ESF1: variants seen among roughly 807,000 people sequenced by gnomAD.
The protein encoded by ESF1 is ESF1 homolog.
Under a neutral mutation model 92.0 loss-of-function variants are expected in ESF1, and 58 were observed. The ratio of observed to expected loss-of-function variants is 0.63; its 90% CI spans 0.51 to 0.78. The LOEUF is 0.78. Among genes scored for constraint, ESF1 ranks in the 30% least tolerant of loss-of-function variants. The pLI is 0.00. For synonymous variants in ESF1, 321 were observed against 313.7 expected, an observed-to-expected ratio of 1.02 and a Z score of -0.24; for missense variants, 922 against 989.1, an observed-to-expected ratio of 0.93 and a Z score of 0.91.
At chr20:13,737,281 A>C (rs1208453784) in intron 9 of ESF1, among the ~76,000 whole-genome samples, 1 of 152,268 alleles carries the variant, frequency 6.6e-6, no homozygotes, top group African/African-American at 2.4e-5. Flanking sequence ...AGATGACTCA[A>C]TTATGACAAT....
chr20:13,762,854 G>GTTTTTTTT lies in ESF1; in HGVS notation c.1667-3009_1667-3002dup, dbSNP rs33986564. 121 of 186,834 alleles carry GTTTTTTTT rather than the reference G, an allele frequency of 6.5e-4. 1 individual carries two copies. The highest frequency in any genetic ancestry group is 9.7e-4 in the South Asian group (22 of 22,620). The allele number at this position is 186,834 out of a possible 1,614,324, so 11.6% of individuals were successfully genotyped here. On this transcript the variant is annotated intron_variant, in intron 8 of 13. Transcript: ENST00000617257. Reference sequence around the variant, plus strand: ...AAACAAAAAGTCATTATTTATTAAAGTTTTTTTTTTTTTTTTTTTTTTTTG... The same window carrying GTTTTTTTT: ...AAACAAAAAGTCATTATTTATTAAAGTTTTTTTTTTTTTTTTTTTTTTTTTTTTTTTTG...
intron 13 of ESF1, among the ~76,000 whole-genome samples, chr20:13,716,907 T>C (rs2049832274): frequency 7.0e-6 from 1 of 142,286 alleles, no homozygotes; most frequent in Non-Finnish European, 1.5e-5. Flanking sequence ...AAGCTCCGCC[T>C]CCTGGGTTCA....
intron 9 of ESF1, among the ~76,000 whole-genome samples, chr20:13,735,555 G>A (rs112805161): frequency 3.3e-5 from 5 of 152,162 alleles, no homozygotes; most frequent in African/African-American, 1.2e-4. Flanking sequence ...AGAGAAAGCA[G>A]CAAATTCTGA....
chr20:13,725,367 A>C (rs887167212), intron 11 of ESF1, among the ~76,000 whole-genome samples: 1 of 152,132 alleles, frequency 6.6e-6, no homozygotes, highest in African/African-American at 2.4e-5. Flanking sequence ...CTAAAAGCTC[A>C]TATCTTTAAA....
At chr20:13,780,619 A>G (rs1980138408) in intron 2 of ESF1, among the ~76,000 whole-genome samples, 1 of 130,922 alleles carries the variant, frequency 7.6e-6, no homozygotes, top group African/African-American at 2.8e-5. Flanking sequence ...TGGCCTATCA[A>G]AACCTCTTGG....
chr20:13,716,260 T>C (rs1210686990), intron 13 of ESF1, among the ~76,000 whole-genome samples: 1 of 151,598 alleles, frequency 6.6e-6, no homozygotes, highest in African/African-American at 2.4e-5. Context: ...CTCAAACTCA[T>C]GCTTAGGGGA....
At chr20:13,737,692 C>T (rs1023018819) in intron 9 of ESF1, among the ~76,000 whole-genome samples, 1 of 152,022 alleles carries the variant, frequency 6.6e-6, no homozygotes, top group African/African-American at 2.4e-5. Context: ...CTTGCTCTGT[C>T]ACCCAGGCTG....
At chr20:13,753,084 G>A (rs6042348) in intron 9 of ESF1, among the ~76,000 whole-genome samples, 23,217 of 151,998 alleles carry the variant, frequency 0.15, 2,237 homozygotes, top group East Asian at 0.42. Flanking sequence ...AAAGCTTTAA[G>A]ACGATCAAAA....
intron 8 of ESF1, among the ~76,000 whole-genome samples, chr20:13,760,406 C>A (rs1317002775): frequency 1.3e-5 from 2 of 151,466 alleles, no homozygotes; most frequent in African/African-American, 4.9e-5. Context: ...TCTGCCCTGC[C>A]GCCCCGTCTG....
intron 8 of ESF1, among the ~76,000 whole-genome samples, chr20:13,760,736 C>G (rs1423171800): frequency 6.6e-6 from 1 of 151,352 alleles, no homozygotes; most frequent in Non-Finnish European, 1.5e-5. Context: ...ACCGGCCAGC[C>G]GCCCCGTCCG....
At chr20:13,720,802 C>T (rs976587165) in intron 11 of ESF1, among the ~76,000 whole-genome samples, 3 of 152,310 alleles carry the variant, frequency 2.0e-5, no homozygotes, top group Non-Finnish European at 4.4e-5. Context: ...CTCAATTTTT[C>T]TCAATGTATA....
At chr20:13,730,277 T>C (rs1219530643) in intron 10 of ESF1, among the ~76,000 whole-genome samples, 1 of 152,008 alleles carries the variant, frequency 6.6e-6, no homozygotes, top group Non-Finnish European at 1.5e-5. Context: ...TTTCACCATG[T>C]TGGGCAGGCT....
In ESF1 at chr20:13,758,561, C is replaced by G. The variant is rs923061414; in HGVS notation, c.1828+1131G>C. 2.0e-5 allele frequency among the ~76,000 whole-genome samples: 3 copies of G among 152,290 alleles called. No individual in the cohort carries two copies. In the South Asian group the frequency reaches 6.2e-4, roughly 32 times the overall value. On this transcript the variant is annotated intron_variant, in intron 9 of 13. Transcript: ENST00000617257. ...TATTTTTTTCCCAAATAAAAACCCA[C>G]GCAAACATATGTTTTATTCCCAATA...
In ESF1 at chr20:13,717,419, C is replaced by T. The variant is rs1295926166; in HGVS notation, c.2211G>A (p.Lys737=). ...TCTTTTTCATGAGCTGCTTTTTCTTCTTTTTGCTCAGATTCTGGTGCTCCA... is the reference window on the plus strand; with the variant it reads ...TCTTTTTCATGAGCTGCTTTTTCTTTTTTTTGCTCAGATTCTGGTGCTCCA... ...KIVEHQNLSK[K]KKKQLMKKKE... The change falls in exon 13 of 14, where the codon AAG becomes AAA. Residue 737 remains lysine (K), a synonymous_variant. Coordinates refer to ENST00000617257, the MANE Select transcript of ESF1 (RefSeq NM_001276380.2). The T allele has an allele frequency of 6.2e-7, 1 of 1,614,050 alleles. No homozygotes were observed. The highest frequency in any genetic ancestry group is 8.5e-7 in the Non-Finnish European group (1 of 1,180,000).
intron 7 of ESF1, among the ~76,000 whole-genome samples, chr20:13,767,291 C>G (rs1046647130): frequency 6.6e-6 from 1 of 152,142 alleles, no homozygotes; most frequent in African/African-American, 2.4e-5. Flanking sequence ...CTTTGGGAGG[C>G]CAAGGCGGGT....
chr20:13,723,723 G>A (rs970836134), intron 11 of ESF1, among the ~76,000 whole-genome samples: 3 of 152,106 alleles, frequency 2.0e-5, no homozygotes, highest in African/African-American at 7.2e-5. Flanking sequence ...GAGCAAAAAT[G>A]TTATAAATGT....
chr20:13,777,914 T>C (rs2147448695), intron 2 of ESF1, among the ~76,000 whole-genome samples: 1 of 152,342 alleles, frequency 6.6e-6, no homozygotes, highest in Middle Eastern at 3.4e-3. Flanking sequence ...CTTATAATAG[T>C]TATTCACTGA....
intron 10 of ESF1, among the ~76,000 whole-genome samples, chr20:13,732,990 G>A (rs1192865104): frequency 2.6e-5 from 4 of 151,898 alleles, no homozygotes; most frequent in African/African-American, 4.8e-5. Flanking sequence ...GCAGTGGCAC[G>A]ATCTTGACTC....
At chr20:13,715,761 T>G (rs1167164238) in intron 13 of ESF1, among the ~76,000 whole-genome samples, 1 of 152,180 alleles carries the variant, frequency 6.6e-6, no homozygotes, top group African/African-American at 2.4e-5. Context: ...TGTTTAAGAA[T>G]ATACCCTTAA....
Sources: gnomAD v4.1 joint callset for allele counts (sites outside exome capture counted in the v4.1 genomes callset) on GRCh38, gnomAD v4.1.1 for gene constraint, MANE v1.5 for transcripts, NCBI Gene and HGNC (gene_info 2026-07-23, HGNC 2026-07-21) for gene names.